Variants in DCAF1 observed in about 807,000 individuals in gnomAD.
DCAF1 encodes the protein DDB1 and CUL4 associated factor 1.
Under a neutral mutation model 128.0 loss-of-function variants are expected in DCAF1, and 15 were observed. That is an observed-to-expected ratio of 0.12 (90% CI 0.08 to 0.18). The LOEUF is 0.18. Ranked by LOEUF, DCAF1 falls within the 10% of genes least tolerant of loss-of-function variation. The pLI, the probability that DCAF1 is intolerant of heterozygous loss-of-function variation, is 1.00. For missense variants in DCAF1, 988 were observed against 1,649.5 expected (o/e 0.60, Z 6.95); for synonymous variants, 610 against 603.0 (o/e 1.01, Z -0.17).
At chr3:51,402,049 T>C (rs1188568450) in intron 24 of DCAF1, among the ~76,000 whole-genome samples, 4 of 152,210 alleles carry the variant, frequency 2.6e-5, no homozygotes, top group South Asian at 4.1e-4. Flanking sequence ...TTTGAACTAT[T>C]TGCTGATTTC....
At chr3:51,495,977 G>C (rs1708191743) in intron 2 of DCAF1, among the ~76,000 whole-genome samples, 1 of 149,686 alleles carries the variant, frequency 6.7e-6, no homozygotes, top group African/African-American at 2.5e-5. Flanking sequence ...CAGAGCAAAA[G>C]TGCGAGACCT....
intron 22 of DCAF1, 35 bp from the exon 23 acceptor site, chr3:51,412,515 A>C: frequency 6.2e-7 from 1 of 1,612,832 alleles, no homozygotes; most frequent in Non-Finnish European, 8.5e-7. Flanking sequence ...AGGAGCAGTT[A>C]CTTTTCAGAA....
In DCAF1 at chr3:51,499,966, T is replaced by TCA. The variant is rs781995287; in HGVS notation, c.-151_-150dup. On this transcript the variant is annotated 5_prime_UTR_variant, in exon 1 of 25. An upstream open reading frame in the 5' UTR loses its in-frame stop. Transcript: ENST00000684031. ...CTCAGGTCCCGCACTCACTCTCCAC[T>TCA]CACACACACACACAGCGCGACCACG... 245 of 103,894 alleles carry TCA rather than the reference T, an allele frequency of 2.4e-3. No homozygotes were observed. The highest frequency in any genetic ancestry group is 3.7e-3 in the South Asian group (10 of 2,680). The allele number at this position is 103,894 out of a possible 1,614,324, so 6.4% of individuals were successfully genotyped here. A position where few individuals can be genotyped will look rare whatever the true frequency, so the allele number is the denominator to read the frequency against.
At chr3:51,414,077 C>T (rs781851337) in intron 19 of DCAF1, 34 bp from the exon 20 acceptor site, 1 of 1,548,618 alleles carries the variant, frequency 6.5e-7, no homozygotes, top group African/African-American at 1.4e-5. Context: ...AACTATTTTA[C>T]ACAAAACTTA....
At chr3:51,484,067 T>A (rs1237373772) in intron 2 of DCAF1, among the ~76,000 whole-genome samples, 3 of 152,176 alleles carry the variant, frequency 2.0e-5, no homozygotes, top group Non-Finnish European at 4.4e-5. Flanking sequence ...TTTCTCAGCC[T>A]CAGCTTCAAC....
chr3:51,490,576 C>T (rs1274915047), intron 2 of DCAF1, among the ~76,000 whole-genome samples: 1 of 152,146 alleles, frequency 6.6e-6, no homozygotes, highest in Non-Finnish European at 1.5e-5. Context: ...GGGTTAGTAT[C>T]AAGATGGTAA....
intron 8 of DCAF1, 117 bp from the exon 9 acceptor site, chr3:51,441,188 GA>G: frequency 8.6e-7 from 1 of 1,168,332 alleles, no homozygotes; most frequent in Non-Finnish European, 1.2e-6. Flanking sequence ...CCCTCCCTGT[GA>G]AGATAAACGT....
Position 51,420,819 on chromosome 3 carries a change from G to A in DCAF1, c.2151C>T (p.Ser717=), listed in dbSNP as rs575109915. Residue 717 remains serine (S), a synonymous_variant, in exon 15 of 25, where the codon AGC becomes AGT. Coordinates refer to ENST00000684031, the MANE Select transcript of DCAF1 (RefSeq NM_001387579.1). The surrounding 1 kb of genome is among the most constrained non-coding windows in gnomAD (Gnocchi z 6.5). ...PRRKLPQNPK[S]SEHTLAKMWN... is the part of the protein sequence containing the mutation. Reference sequence around the variant, plus strand: ...ACATCTTGGCCAGGGTGTGCTCACTGCTTTTAGGGTTCTGAGGCAGCTTTC... The same window carrying A: ...ACATCTTGGCCAGGGTGTGCTCACTACTTTTAGGGTTCTGAGGCAGCTTTC... The A allele has an allele frequency of 3.1e-6, 5 of 1,614,030 alleles. No individual in the cohort carries two copies. The African/African-American group carries it at 4.0e-5, about 13-fold the overall frequency.
chr3:51,434,099 T>A, intron 9 of DCAF1, among the ~76,000 whole-genome samples: 2 of 141,708 alleles, frequency 1.4e-5, no homozygotes, highest in Admixed American at 7.1e-5. Flanking sequence ...AAAAAAAAAA[T>A]TTACTATAAG....
At chr3:51,414,560 C>T (rs1417288444) in intron 19 of DCAF1, 64 bp downstream of exon 19, 2 of 1,580,324 alleles carry the variant, frequency 1.3e-6, no homozygotes, top group Non-Finnish European at 8.6e-7. Context: ...AAAGATAGAA[C>T]AAATTATTTC....
chr3:51,403,557 T>C (rs920914163), intron 23 of DCAF1, among the ~76,000 whole-genome samples, 162 bp from the exon 24 acceptor site: 1 of 152,174 alleles, frequency 6.6e-6, no homozygotes, highest in Non-Finnish European at 1.5e-5. Flanking sequence ...TTGTCAGTGA[T>C]GGCTGAGATA....
At chr3:51,493,216 C>G (rs782447057) in intron 2 of DCAF1, among the ~76,000 whole-genome samples, 1 of 151,582 alleles carries the variant, frequency 6.6e-6, no homozygotes, top group Non-Finnish European at 1.5e-5. Context: ...GAGGCCAAGG[C>G]GGGCAGATCT....
intron 6 of DCAF1, among the ~76,000 whole-genome samples, chr3:51,455,374 G>C (rs924899920): frequency 2.0e-5 from 3 of 152,164 alleles, no homozygotes; most frequent in Admixed American, 2.0e-4. Flanking sequence ...GGGAGGCCAA[G>C]GCAGGAAGAT....
At chr3:51,440,151 T>A (rs782452875) in intron 9 of DCAF1, 1 of 511,128 alleles carries the variant, frequency 2.0e-6, no homozygotes, top group East Asian at 5.7e-5. Flanking sequence ...TTCAGCCTTT[T>A]AGATTAACAC....
intron 2 of DCAF1, among the ~76,000 whole-genome samples, chr3:51,493,681 C>T (rs1363937805): frequency 2.0e-5 from 3 of 151,882 alleles, no homozygotes; most frequent in Admixed American, 2.0e-4. Flanking sequence ...CAAAAGGGCA[C>T]ATATTGTATG....
At position 51,429,468 on chromosome 3, in the gene DCAF1, G is replaced by C. The variant is rs782311335; in HGVS notation, c.1470C>G (p.Ile490Met). The C allele has an allele frequency of 1.3e-6, 1 of 780,738 alleles. No individual in the cohort carries two copies. Among genetic ancestry groups the C allele is most frequent in the Non-Finnish European group, 2.4e-6 (1 of 417,858 alleles). 48.4% of individuals were successfully genotyped at this position (780,738 alleles called of 1,614,324 possible). ...CCAAATTTAGAATCTCCAAAGTACT[G>C]ATCTATTAAGATGCAAAATATTGGG... ...YDGLRRLVNL[I>M]STLEILNLED... Residue 490 changes from isoleucine (I) to methionine (M), a missense_variant and splice_region_variant, in exon 12 of 25, where the codon ATC becomes ATG. Coordinates refer to ENST00000684031, the MANE Select transcript of DCAF1 (RefSeq NM_001387579.1).
At chr3:51,399,710 C>A (rs1473616892) in intron 24 of DCAF1, among the ~76,000 whole-genome samples, 1 of 152,142 alleles carries the variant, frequency 6.6e-6, no homozygotes, top group Non-Finnish European at 1.5e-5. Context: ...CTCTAATATT[C>A]GCTGAGTCAA....
At chr3:51,449,043 T>C (rs537595346) in intron 6 of DCAF1, among the ~76,000 whole-genome samples, 1 of 152,078 alleles carries the variant, frequency 6.6e-6, no homozygotes, top group African/African-American at 2.4e-5. Context: ...ATCGCAAAAC[T>C]ACAATAGTCA....
At chr3:51,404,948 C>T (rs2089999989) in intron 23 of DCAF1, among the ~76,000 whole-genome samples, 1 of 152,194 alleles carries the variant, frequency 6.6e-6, no homozygotes, top group South Asian at 2.1e-4. Context: ...CACATAAGCT[C>T]ATACAAATAA....
Sources: allele counts gnomAD v4.1 joint callset (sites outside exome capture counted in the v4.1 genomes callset), GRCh38; gene constraint gnomAD v4.1.1; non-coding constraint Gnocchi (gnomAD v3.1); transcripts MANE v1.5; gene names NCBI Gene and HGNC (gene_info 2026-07-23, HGNC 2026-07-21).